COL27A1: variants seen among roughly 807,000 people sequenced by gnomAD.
COL27A1 encodes collagen alpha-1(XXVII) chain.
Under a neutral mutation model 251.3 loss-of-function variants are expected in COL27A1, and 106 were observed. The observed-to-expected ratio is 0.42, with a 90% confidence interval of 0.36 to 0.50. COL27A1 has a LOEUF of 0.50. Among genes scored for constraint, COL27A1 ranks in the 20% least tolerant of loss-of-function variants. The pLI is 0.00. For missense variants in COL27A1, 2,325 were observed against 2,522.8 expected (o/e 0.92, Z 1.68); for synonymous variants, 1,000 against 986.3 (o/e 1.01, Z -0.26).
Position 114,209,733 on chromosome 9 carries a change from GT to G in COL27A1, c.2322+8del. 6.2e-7 allele frequency: 1 copy of G among 1,614,106 alleles called. No homozygotes were observed. On this transcript the variant is annotated splice_donor_region_variant and intron_variant, in intron 11 of 60. Coordinates refer to ENST00000356083, the MANE Select transcript of COL27A1 (RefSeq NM_032888.4). ...CCAGGGTCTGATGGAGAACGAGTAA[GT>G]TTGCTTCTTTGGTTATTCACCATCC...
At position 114,275,736 on chromosome 9, in the gene COL27A1, C is replaced by T. The variant is rs545371748; in HGVS notation, c.3685C>T (p.Pro1229Ser). Residue 1229 changes from proline to serine, a missense_variant, in exon 37 of 61, where the codon CCC (proline) becomes TCC (serine). Coordinates refer to ENST00000356083, the MANE Select transcript of COL27A1 (RefSeq NM_032888.4). ...GGAAGGGCTGATGGGTGAGGACGGG[C>T]CCCCCGGCCCCCCTGGCGTCACTGG... ...GQEGLMGEDG[P>S]PGPPGVTGVR... The T allele has an allele frequency of 1.9e-5, 30 of 1,545,106 alleles. 1 individual carries two copies. The South Asian group carries it at 3.3e-4, about 17-fold the overall frequency.
chr9:114,278,036 A>G (rs1365917750), intron 37 of COL27A1, among the ~76,000 whole-genome samples: 1 of 152,136 alleles, frequency 6.6e-6, no homozygotes, highest in East Asian at 1.9e-4. Flanking sequence ...TTTCTTATCT[A>G]TAAAGAATAA....
intron 37 of COL27A1, 131 bp downstream of exon 37, chr9:114,275,899 C>A: frequency 1.6e-6 from 1 of 615,222 alleles, no homozygotes; most frequent in Non-Finnish European, 2.8e-6. Context: ...CCTTTCTCCA[C>A]CTGGCAGTTT....
rs1022607686 is a variant in COL27A1 at position 114,250,497 on chromosome 9, G to C, written c.2980-118G>C. 1.3e-4 allele frequency: 116 copies of C among 883,366 alleles called. No homozygotes were observed. In the Admixed American group the frequency reaches 2.2e-3, roughly 16 times the overall value. 54.7% of individuals were successfully genotyped at this position (883,366 alleles called of 1,614,324 possible). On this transcript the variant is annotated intron_variant, in intron 24 of 60. Transcript: ENST00000356083. ...CTCTCCCCGGCACAACCCCATGCTG[G>C]CTGGGTGACCAGGCACGGGTGGGAG...
intron 5 of COL27A1, among the ~76,000 whole-genome samples, chr9:114,189,735 A>G (rs868782034): frequency 6.6e-6 from 1 of 152,124 alleles, no homozygotes; most frequent in Non-Finnish European, 1.5e-5. Context: ...GAAATTTTAT[A>G]TATTTTTTTG....
At position 114,155,825 on chromosome 9, in the gene COL27A1, T is replaced by TG; in HGVS notation, c.-125dup. The TG allele has an allele frequency of 1.3e-6, 1 of 790,566 alleles. No individual in the cohort carries two copies. The highest frequency in any genetic ancestry group is 1.5e-6 in the Non-Finnish European group (1 of 652,288). The allele number at this position is 790,566 out of a possible 1,614,324, so 49.0% of individuals were successfully genotyped here. A position where few individuals can be genotyped will look rare whatever the true frequency, so the allele number is the denominator to read the frequency against. ...GCTCGGGCGCCCCTGGGCGCGGGGC[T>TG]GCGCTGGGGGCGCGGGGGCCGCGCG... is the stretch of plus-strand genomic sequence containing the variant. On this transcript the variant is annotated 5_prime_UTR_variant, in exon 1 of 61. The change abolishes the stop of an existing upstream ORF in the 5' untranslated region. Coordinates refer to ENST00000356083, the MANE Select transcript of COL27A1 (RefSeq NM_032888.4). The surrounding 1 kb of genome is among the most constrained non-coding windows in gnomAD (Gnocchi z 5.5).
chr9:114,301,050 T>C (rs752553757), intron 51 of COL27A1, 22 bp from the exon 52 acceptor site: 1 of 1,590,484 alleles, frequency 6.3e-7, no homozygotes, highest in African/African-American at 1.3e-5. Context: ...CAAGGACACA[T>C]GAGCCTTTCT....
rs915924726 is a variant in COL27A1 at position 114,284,604 on chromosome 9, C to T, written c.3934-120C>T. 7.1e-6 allele frequency: 7 copies of T among 989,498 alleles called. No individual in the cohort carries two copies. In the African/African-American group the frequency reaches 1.1e-4, roughly 16 times the overall value. The allele number at this position is 989,498 out of a possible 1,614,324, so 61.3% of individuals were successfully genotyped here. A position where few individuals can be genotyped will look rare whatever the true frequency, so the allele number is the denominator to read the frequency against. ...AGGCACAGACTTACTCAGAGCCACA[C>T]AGCCAGCTGGGGCAGAGCTGGGACC... On this transcript the variant is annotated intron_variant, in intron 40 of 60. Transcript: ENST00000356083.
intron 6 of COL27A1, 130 bp from the exon 7 acceptor site, chr9:114,195,829 G>C: frequency 1.3e-6 from 1 of 762,992 alleles, no homozygotes; most frequent in South Asian, 1.5e-5. Context: ...CTCCTCTGAG[G>C]CCTCTACTTC....
intron 1 of COL27A1, among the ~76,000 whole-genome samples, chr9:114,161,231 A>C (rs943865039): frequency 6.6e-6 from 1 of 152,164 alleles, no homozygotes; most frequent in Non-Finnish European, 1.5e-5. Context: ...AAAGACTTGA[A>C]GAAAACCTTC....
At chr9:114,182,036 C>T (rs903634315) in intron 4 of COL27A1, among the ~76,000 whole-genome samples, 2 of 151,982 alleles carry the variant, frequency 1.3e-5, no homozygotes, top group Non-Finnish European at 2.9e-5. Context: ...ACTCCAAAGA[C>T]TCATACAAAA....
intron 1 of COL27A1, among the ~76,000 whole-genome samples, chr9:114,159,730 T>G (rs1848365142): frequency 2.0e-5 from 3 of 152,202 alleles, no homozygotes; most frequent in Admixed American, 2.0e-4. Context: ...CTGGCCAATT[T>G]CCTAGAAAGC....
rs182071278 is a variant in COL27A1 at position 114,248,285 on chromosome 9, G to A, written c.2980-2330G>A. 2.2e-3 allele frequency among the ~76,000 whole-genome samples: 339 copies of A among 152,318 alleles called. 2 individuals are homozygous for A. The highest frequency in any genetic ancestry group is 7.9e-3 in the African/African-American group (328 of 41,568). On this transcript the variant is annotated intron_variant, in intron 24 of 60. Transcript: ENST00000356083. ...CTTGCCTTCAAGACACCCCGTCCAG[G>A]GGCAGCCACGCATATAAACACGTCA... is the stretch of plus-strand genomic sequence containing the variant.
At chr9:114,171,728 A>C (rs1001295594) in intron 3 of COL27A1, among the ~76,000 whole-genome samples, 2 of 152,060 alleles carry the variant, frequency 1.3e-5, no homozygotes, top group Non-Finnish European at 2.9e-5. Flanking sequence ...AGCCTCCCAG[A>C]GCGCTAGAAT....
In COL27A1 at chr9:114,290,284, G is replaced by T; in HGVS notation, c.4321G>T (p.Ala1441Ser). 6.3e-7 allele frequency: 1 copy of T among 1,582,542 alleles called. No homozygotes were observed. The highest frequency in any genetic ancestry group is 8.6e-7 in the Non-Finnish European group (1 of 1,164,474). Residue 1441 changes from alanine (A) to serine (S), a missense_variant, in exon 47 of 61, where the codon GCT becomes TCT. Coordinates refer to ENST00000356083, the MANE Select transcript of COL27A1 (RefSeq NM_032888.4). This position sits in a 1 kb window ranked among gnomAD's most constrained non-coding sequence, Gnocchi z 4.6. ...GGGGAGACAGGGCCTCGAGGGCATC[G>T]CTGGACCAGATGGGCTTCCTGGCAG... ...VVGRQGLEGI[A>S]GPDGLPGRDG...
chr9:114,185,313 G>A (rs1406235783), intron 5 of COL27A1, among the ~76,000 whole-genome samples: 1 of 152,242 alleles, frequency 6.6e-6, no homozygotes, highest in East Asian at 1.9e-4. Context: ...TGGAATCAGA[G>A]GCTGCTTCTC....
chr9:114,157,981 G>T (rs973577452), intron 1 of COL27A1, among the ~76,000 whole-genome samples: 4 of 152,302 alleles, frequency 2.6e-5, no homozygotes, highest in African/African-American at 9.6e-5. Context: ...ATGTTGAATG[G>T]GTGTGTGAGT....
At position 114,169,444 on chromosome 9, in the gene COL27A1, A is replaced by T; in HGVS notation, c.1889A>T (p.Lys630Met). The change falls in exon 3 of 61, where the codon AAG becomes ATG. Residue 630 changes from lysine (K) to methionine (M), a missense_variant. Physicochemically the swap from Lys to Met is moderately conservative, Grantham distance 95. Transcript: ENST00000356083. The part of the protein sequence containing the change: ...FPLLMGPPGP[K>M]GDCGLPGPPG... ...CTGCTGATGGGGCCTCCGGGACCCA[A>T]GGGAGACTGTGGCTTGCCGGTAAGA... 6.5e-7 allele frequency: 1 copy of T among 1,545,298 alleles called. No homozygotes were observed. The highest frequency in any genetic ancestry group is 1.2e-5 in the South Asian group (1 of 82,422).
At position 114,258,577 on chromosome 9, in the gene COL27A1, G is replaced by A; in HGVS notation, c.3178G>A (p.Gly1060Arg). 1 of 1,614,104 alleles carries A rather than the reference G, an allele frequency of 6.2e-7. No homozygotes were observed. The highest frequency in any genetic ancestry group is 8.5e-7 in the Non-Finnish European group (1 of 1,180,026). ...PGSRGPPGMR[G>R]AKGRRGPRGP... ...ATCTCGAGGCCCACCAGGCATGAGG[G>A]GAGCAAAGGGACGTCGGGTAAGTCG... Residue 1060 changes from glycine to arginine, a missense_variant, in exon 28 of 61, where the codon GGA becomes AGA. Gly to Arg is a moderately radical substitution (Grantham distance 125, BLOSUM62 -2). This residue lies in a region of COL27A1 where 662 missense variants were observed against 795.3 expected (regional missense o/e 0.83). Transcript: ENST00000356083.
Sources: allele counts gnomAD v4.1 joint callset (sites outside exome capture counted in the v4.1 genomes callset), GRCh38; gene constraint gnomAD v4.1.1; regional missense constraint gnomAD v4.1.1; non-coding constraint Gnocchi (gnomAD v3.1); transcripts MANE v1.5; gene names NCBI Gene and HGNC (gene_info 2026-07-23, HGNC 2026-07-21).